NAA11: variants seen among roughly 807,000 people sequenced by gnomAD.
NAA11 encodes the protein N-alpha-acetyltransferase 11.
In NAA11, 15 loss-of-function variants were observed where a neutral mutation model predicts 16.1. That is an observed-to-expected ratio of 0.93 (90% confidence interval 0.62 to 1.44). The LOEUF is 1.44. Ranked by LOEUF, NAA11 falls within the 40% of genes most tolerant of loss-of-function variation. NAA11 has a pLI of 0.00. For missense variants in NAA11, 298 were observed against 291.3 expected, an observed-to-expected ratio of 1.02 and a Z score of -0.17; for synonymous variants, 122 against 112.4, an observed-to-expected ratio of 1.09 and a Z score of -0.54.
At chr4:79,319,092 A>G (rs1181694535) in intron 1 of NAA11, among the ~76,000 whole-genome samples, 2 of 152,036 alleles carry the variant, frequency 1.3e-5, no homozygotes, top group Non-Finnish European at 2.9e-5. Flanking sequence ...CACGCTGGCT[A>G]ATGTTTTTTA....
chr4:79,213,202 G>A, the NAA11 span, among the ~76,000 whole-genome samples: 3 of 152,258 alleles, frequency 2.0e-5, no homozygotes, highest in South Asian at 2.1e-4. Context: ...CTGTATTCAT[G>A]GGACAGATAG....
At chr4:79,312,563 AT>A (rs1723805050), downstream of NAA11, among the ~76,000 whole-genome samples, 1 of 148,766 alleles carries the variant, frequency 6.7e-6, no homozygotes, top group African/African-American at 2.5e-5. Context: ...AGGCAGGAGA[AT>A]TACCTGGGAG....
In NAA11 at chr4:79,316,729, T is replaced by C. The variant is rs188090705; in HGVS notation, c.*1075A>G. ...TTTTACTAGAGAAAAATAATAAAAA[T>C]AGATTATAATTGTAGGTTATATAAA... is the stretch of plus-strand genomic sequence containing the variant. On this transcript the variant is annotated 3_prime_UTR_variant, in exon 2 of 2. Transcript: ENST00000286794. 3.7e-4 allele frequency: 56 copies of C among 152,280 alleles called. 1 individual carries two copies. The highest frequency in any genetic ancestry group is 3.5e-3 in the Admixed American group (54 of 15,290). 9.4% of individuals were successfully genotyped at this position (152,280 alleles called of 1,614,324 possible). A position where few individuals can be genotyped will look rare whatever the true frequency, so the allele number is the denominator to read the frequency against.
chr4:79,269,497 C>T (rs1267590975), intron 2 of NAA11, among the ~76,000 whole-genome samples: 3 of 150,008 alleles, frequency 2.0e-5, no homozygotes, highest in African/African-American at 7.4e-5. Context: ...GCATAGATGT[C>T]TTCTTTTGAG....
At chr4:79,207,006 A>G in the NAA11 span, among the ~76,000 whole-genome samples, 7 of 151,990 alleles carry the variant, frequency 4.6e-5, no homozygotes, top group African/African-American at 1.7e-4. Flanking sequence ...CAGCTTGGTC[A>G]TTATTGGTGT....
the NAA11 span, among the ~76,000 whole-genome samples, chr4:79,206,949 G>GT: frequency 1.3e-5 from 2 of 151,912 alleles, no homozygotes; most frequent in Non-Finnish European, 1.5e-5. Flanking sequence ...GGGTATTTTG[G>GT]TTTTTTTGTA....
the NAA11 span, among the ~76,000 whole-genome samples, chr4:79,183,074 G>A: frequency 6.6e-6 from 1 of 152,034 alleles, no homozygotes; most frequent in African/African-American, 2.4e-5. Flanking sequence ...TTCCCCCTCT[G>A]AACATAGAAT....
At chr4:79,294,935 A>G (rs866494848) in intron 1 of NAA11, among the ~76,000 whole-genome samples, 1 of 152,300 alleles carries the variant, frequency 6.6e-6, no homozygotes, top group African/African-American at 2.4e-5. Flanking sequence ...CCCATACTAT[A>G]GTGATTTCAG....
Position 79,325,855 on chromosome 4 carries a change from G to A in NAA11, c.23C>T (p.Pro8Leu). Reference sequence around the variant, plus strand: ...GTGTTGCATATTCATCAGGTCGTCTGGCTGAGCGTTGCGGATGTTCATAAT... The same window carrying A: ...GTGTTGCATATTCATCAGGTCGTCTAGCTGAGCGTTGCGGATGTTCATAAT... The part of the protein sequence containing the change: MNIRNAQ[P>L]DDLMNMQHCN... Residue 8 changes from proline (P) to leucine (L), a missense_variant, in exon 1 of 2, where the codon CCA becomes CTA. Physicochemically the swap from Pro to Leu is moderately conservative, Grantham distance 98. Coordinates refer to ENST00000286794, the MANE Select transcript of NAA11 (RefSeq NM_032693.3). The A allele has an allele frequency of 1.2e-6, 2 of 1,612,286 alleles. No homozygotes were observed. The highest frequency in any genetic ancestry group is 1.7e-5 in the Admixed American group (1 of 59,958).
At chr4:79,323,098 A>C (rs1724147863) in intron 1 of NAA11, among the ~76,000 whole-genome samples, 1 of 152,220 alleles carries the variant, frequency 6.6e-6, no homozygotes, top group Admixed American at 6.5e-5. Context: ...TTTATGAATG[A>C]GTAGACTAAT....
intron 2 of NAA11, among the ~76,000 whole-genome samples, chr4:79,262,508 TA>T (rs1338941632): frequency 6.6e-6 from 1 of 152,044 alleles, no homozygotes; most frequent in African/African-American, 2.4e-5. Context: ...TAATAATATA[TA>T]GGGGGGAATA....
the NAA11 span, among the ~76,000 whole-genome samples, chr4:79,207,228 G>C: frequency 1.1e-4 from 16 of 151,924 alleles, no homozygotes; most frequent in African/African-American, 3.6e-4. Flanking sequence ...AGGACTTTCA[G>C]TACTATGTTG....
intron 1 of NAA11, among the ~76,000 whole-genome samples, chr4:79,303,103 T>TATATATATACAC (rs1723455910): frequency 8.0e-6 from 1 of 124,294 alleles, no homozygotes; most frequent in African/African-American, 3.2e-5. Flanking sequence ...TATATATATA[T>TATATATATACAC]ATATATATAT....
chr4:79,315,006 T>G (rs1723885798), downstream of NAA11, among the ~76,000 whole-genome samples: 1 of 152,118 alleles, frequency 6.6e-6, no homozygotes, highest in Non-Finnish European at 1.5e-5. Flanking sequence ...AAGGGGAATC[T>G]GAATTATTTA....
At chr4:79,243,734 C>T (rs1203218729) in intron 2 of NAA11, among the ~76,000 whole-genome samples, 5 of 152,004 alleles carry the variant, frequency 3.3e-5, no homozygotes, top group East Asian at 1.9e-4. Flanking sequence ...AAAAAGAGAT[C>T]GAAGCAAGTT....
chr4:79,280,329 G>C (rs148581252), intron 2 of NAA11, among the ~76,000 whole-genome samples: 141 of 152,160 alleles, frequency 9.3e-4, no homozygotes, highest in Non-Finnish European at 9.3e-4. Flanking sequence ...CGTAACTAAA[G>C]AGTGGGCATG....
chr4:79,165,007 TCA>T, the NAA11 span, among the ~76,000 whole-genome samples: 1 of 152,132 alleles, frequency 6.6e-6, no homozygotes, highest in Non-Finnish European at 1.5e-5. Context: ...GAGGGAACAC[TCA>T]CAGTAAAGGT....
At chr4:79,188,373 C>T in the NAA11 span, among the ~76,000 whole-genome samples, 27 of 151,864 alleles carry the variant, frequency 1.8e-4, no homozygotes, top group Non-Finnish European at 3.1e-4. Flanking sequence ...ATCACGAGGT[C>T]GGGAGATCGA....
chr4:79,196,979 A>AAAAAAAAAG, the NAA11 span, among the ~76,000 whole-genome samples: 72 of 125,574 alleles, frequency 5.7e-4, no homozygotes, highest in African/African-American at 7.9e-4. Context: ...AAAAAAAAAA[A>AAAAAAAAAG]AAAGAAAGAA....
Sources: gnomAD v4.1 joint callset for allele counts (sites outside exome capture counted in the v4.1 genomes callset) on GRCh38, gnomAD v4.1.1 for gene constraint, MANE v1.5 for transcripts, NCBI Gene and HGNC (gene_info 2026-07-23, HGNC 2026-07-21) for gene names.